The following TRPC7 variants were observed in gnomAD, a reference collection of about 807,000 sequenced individuals.
TRPC7 encodes short transient receptor potential channel 7.
Under a neutral mutation model 90.1 loss-of-function variants are expected in TRPC7, and 42 were observed. The ratio of observed to expected loss-of-function variants is 0.47; its 90% CI spans 0.36 to 0.60. The LOEUF (loss-of-function observed/expected upper bound fraction) is 0.60. Among genes scored for constraint, TRPC7 ranks in the 20% least tolerant of loss-of-function variants. TRPC7 has a pLI of 0.00. For missense variants in TRPC7, 955 were observed against 1,112.3 expected (o/e 0.86, Z 2.01); for synonymous variants, 451 against 436.3 (o/e 1.03, Z -0.42).
intron 8 of TRPC7, among the ~76,000 whole-genome samples, chr5:136,230,290 A>T (rs1355076747): frequency 2.6e-5 from 4 of 152,248 alleles, no homozygotes; most frequent in Middle Eastern, 3.2e-3. Context: ...TTTATAAAGG[A>T]TAAAAAGTAT....
At chr5:136,327,320 A>G (rs774179883) in intron 2 of TRPC7, among the ~76,000 whole-genome samples, 5 of 152,164 alleles carry the variant, frequency 3.3e-5, no homozygotes, top group Non-Finnish European at 7.3e-5. Flanking sequence ...AAGAAGAGAA[A>G]CTTCTTTCTT....
intron 8 of TRPC7, among the ~76,000 whole-genome samples, chr5:136,230,648 A>G (rs898858638): frequency 6.6e-6 from 1 of 152,130 alleles, no homozygotes; most frequent in Non-Finnish European, 1.5e-5. Flanking sequence ...TTTGTTTTTA[A>G]TTTCTTGCTG....
At chr5:136,292,743 G>A (rs2149825655) in intron 3 of TRPC7, among the ~76,000 whole-genome samples, 1 of 152,300 alleles carries the variant, frequency 6.6e-6, no homozygotes, top group South Asian at 2.1e-4. Flanking sequence ...CATTCCTTCT[G>A]AAACTGTTCC....
chr5:136,357,089 T>G lies in TRPC7; in HGVS notation c.299A>C (p.Lys100Thr). The stretch of plus-strand genomic sequence containing the variant: ...GTCCCCCACCCGTGCCAGGTTCTCC[T>G]TCTTCAGCAGCAGCTCCGTGACCTC... ...HLEVTELLLK[K>T]ENLARVGDAL... The change falls in exon 2 of 12, where the codon AAG (lysine) becomes ACG (threonine). Residue 100 changes from lysine (K) to threonine (T), a missense_variant. This residue lies in a region of TRPC7 where 161 missense variants were observed against 145.7 expected (regional missense o/e 1.10). Coordinates refer to ENST00000513104, the MANE Select transcript of TRPC7 (RefSeq NM_020389.3). 1 of 1,614,032 alleles carries G rather than the reference T, an allele frequency of 6.2e-7. No individual in the cohort carries two copies. Among genetic ancestry groups the G allele is most frequent in the Non-Finnish European group, 8.5e-7 (1 of 1,179,958 alleles).
intron 7 of TRPC7, among the ~76,000 whole-genome samples, chr5:136,242,501 T>A (rs1756204080): frequency 6.6e-6 from 1 of 152,214 alleles, no homozygotes; most frequent in Non-Finnish European, 1.5e-5. Context: ...TAATAGGATC[T>A]GACTTTGGGG....
intron 2 of TRPC7, among the ~76,000 whole-genome samples, chr5:136,338,167 T>C (rs1391595932): frequency 1.3e-5 from 2 of 152,154 alleles, no homozygotes; most frequent in Non-Finnish European, 2.9e-5. Context: ...AACAGGACGT[T>C]ATTGTAAATT....
chr5:136,357,977 G>A (rs1401082321), intron 1 of TRPC7, among the ~76,000 whole-genome samples: 4 of 152,182 alleles, frequency 2.6e-5, no homozygotes, highest in South Asian at 2.1e-4. Flanking sequence ...CGGTTCAGAT[G>A]TCTCCCCCTG....
chr5:136,321,345 G>A (rs957702003), intron 2 of TRPC7, among the ~76,000 whole-genome samples: 8 of 152,156 alleles, frequency 5.3e-5, no homozygotes, highest in Non-Finnish European at 1.2e-4. Context: ...AAGTGCACAG[G>A]TTTTGCAGTC....
intron 2 of TRPC7, among the ~76,000 whole-genome samples, chr5:136,328,960 G>T (rs537572423): frequency 1.3e-5 from 2 of 152,362 alleles, no homozygotes; most frequent in East Asian, 3.9e-4. Flanking sequence ...TACCCCTCAA[G>T]TGCAGGCGCC....
intron 3 of TRPC7, among the ~76,000 whole-genome samples, chr5:136,288,811 A>C (rs2149822952): frequency 6.6e-6 from 1 of 152,320 alleles, no homozygotes; most frequent in Non-Finnish European, 1.5e-5. Context: ...AAATATAATA[A>C]CCAGTTACAA....
At chr5:136,256,050 A>T (rs72794981) in intron 5 of TRPC7, among the ~76,000 whole-genome samples, 2,869 of 152,352 alleles carry the variant, frequency 0.019, 39 homozygotes, top group Non-Finnish European at 0.025. Flanking sequence ...CTGTATATTT[A>T]GAGGGATTCA....
At chr5:136,335,167 C>A (rs184381857) in intron 2 of TRPC7, among the ~76,000 whole-genome samples, 1 of 152,270 alleles carries the variant, frequency 6.6e-6, no homozygotes, top group Admixed American at 6.5e-5. Flanking sequence ...ACACCTTCAA[C>A]AGACACCTAT....
At chr5:136,313,433 G>T (rs749148911) in intron 3 of TRPC7, among the ~76,000 whole-genome samples, 10 of 151,386 alleles carry the variant, frequency 6.6e-5, no homozygotes, top group Non-Finnish European at 1.2e-4. Flanking sequence ...CTATCAAGTT[G>T]TAAAGGGCAG....
At chr5:136,254,887 C>A (rs1296225408) in intron 5 of TRPC7, among the ~76,000 whole-genome samples, 2 of 152,156 alleles carry the variant, frequency 1.3e-5, no homozygotes, top group East Asian at 1.9e-4. Flanking sequence ...AGAATATCAA[C>A]ATTAAATGGA....
chr5:136,240,222 A>C (rs1756117418), intron 7 of TRPC7, among the ~76,000 whole-genome samples: 1 of 152,146 alleles, frequency 6.6e-6, no homozygotes, highest in African/African-American at 2.4e-5. Flanking sequence ...CTCTGTTTAG[A>C]GCCACCCCTT....
At chr5:136,277,007 A>T (rs558752434) in intron 3 of TRPC7, among the ~76,000 whole-genome samples, 1 of 152,322 alleles carries the variant, frequency 6.6e-6, no homozygotes, top group Non-Finnish European at 1.5e-5. Flanking sequence ...GAAGACGAGT[A>T]TTTGACTCAC....
At chr5:136,265,640 T>C (rs1189828813) in intron 5 of TRPC7, among the ~76,000 whole-genome samples, 2 of 152,174 alleles carry the variant, frequency 1.3e-5, no homozygotes, top group Admixed American at 1.3e-4. Context: ...AATGAGGAAA[T>C]TGGGAACAAT....
At position 136,357,341 on chromosome 5, in the gene TRPC7, G is replaced by C; in HGVS notation, c.47C>G (p.Thr16Arg). ...CTGGCGACGGCCCTTCTCCCTCAGC[G>C]TTGTGTGCCGGCGCTGCATGTTTTT... ...TFKNMQRRHT[T>R]LREKGRRQAI... Residue 16 changes from threonine to arginine, a missense_variant, in exon 2 of 12, where the codon ACG (threonine) becomes AGG (arginine). Transcript: ENST00000513104. The C allele has an allele frequency of 6.2e-7, 1 of 1,604,210 alleles. No individual in the cohort carries two copies.
At chr5:136,298,368 G>A (rs1758256079) in intron 3 of TRPC7, among the ~76,000 whole-genome samples, 1 of 152,214 alleles carries the variant, frequency 6.6e-6, no homozygotes, top group East Asian at 1.9e-4. Flanking sequence ...AGTTTGGTGT[G>A]AGGTGAGTTA....
Sources: gnomAD v4.1 joint callset for allele counts (sites outside exome capture counted in the v4.1 genomes callset) on GRCh38, gnomAD v4.1.1 for gene constraint, gnomAD v4.1.1 regional missense constraint, MANE v1.5 for transcripts, NCBI Gene and HGNC (gene_info 2026-07-23, HGNC 2026-07-21) for gene names.